The following KLF7 variants were observed in gnomAD, a reference collection of about 807,000 sequenced individuals.
KLF7 encodes KLF transcription factor 7.
Under a neutral mutation model 27.3 loss-of-function variants are expected in KLF7, and 2 were observed. The observed-to-expected ratio is 0.07, with a 90% CI of 0.03 to 0.23. KLF7 has a LOEUF of 0.23. Ranked by LOEUF, KLF7 falls within the 10% of genes least tolerant of loss-of-function variation. The pLI, the probability that KLF7 is intolerant of heterozygous loss-of-function variation, is 1.00. For missense variants in KLF7, 221 were observed against 394.1 expected, an observed-to-expected ratio of 0.56 and a Z score of 3.72; for synonymous variants, 165 against 162.4, an observed-to-expected ratio of 1.02 and a Z score of -0.12.
chr2:207,155,705 A>C (rs1451340429), intron 1 of KLF7, among the ~76,000 whole-genome samples: 2 of 152,216 alleles, frequency 1.3e-5, no homozygotes, highest in African/African-American at 2.4e-5. Context: ...TCTGACCTTA[A>C]GCAGCATCTC....
At chr2:207,145,378 A>G (rs191250809) in intron 1 of KLF7, among the ~76,000 whole-genome samples, 105 of 152,336 alleles carry the variant, frequency 6.9e-4, no homozygotes, top group African/African-American at 2.5e-3. Flanking sequence ...ACATCTATTC[A>G]ACACTGGCAA....
intron 2 of KLF7, among the ~76,000 whole-genome samples, chr2:207,113,607 T>TGGG (rs532527898): frequency 0.012 from 804 of 64,420 alleles, 36 homozygotes; most frequent in South Asian, 0.018. Context: ...GAATGGGGGG[T>TGGG]GGGGGGGGGG....
chr2:207,165,407 C>G (rs895746856), intron 1 of KLF7, 60 bp downstream of exon 1: 5 of 1,611,714 alleles, frequency 3.1e-6, no homozygotes, highest in Non-Finnish European at 4.2e-6. Flanking sequence ...CCCACACCAA[C>G]GCAGCCCCTG....
upstream of KLF7, among the ~76,000 whole-genome samples, chr2:207,169,634 C>G (rs2078772774): frequency 6.6e-6 from 1 of 152,110 alleles, no homozygotes; most frequent in African/African-American, 2.4e-5. Context: ...TTGTGGCAAC[C>G]CTGCTTGGAA....
At position 207,080,852 on chromosome 2, in the gene KLF7, C is replaced by G. The variant is rs74465008; in HGVS notation, c.*361G>C. On this transcript the variant is annotated 3_prime_UTR_variant, in exon 4 of 4. Coordinates refer to ENST00000309446, the MANE Select transcript of KLF7 (RefSeq NM_003709.4). ...CCGTCCACCTGCACAGACGTCACAT[C>G]CATTTTCTTTGATTTCCATTGGCAA... 4.0e-4 allele frequency: 167 copies of G among 415,476 alleles called. 1 individual carries two copies. In the East Asian group the frequency reaches 5.6e-3, roughly 14 times the overall value. 25.7% of individuals were successfully genotyped at this position (415,476 alleles called of 1,614,324 possible). A position where few individuals can be genotyped will look rare whatever the true frequency, so the allele number is the denominator to read the frequency against.
At chr2:207,173,172 A>G in the KLF7 span, among the ~76,000 whole-genome samples, 311 of 152,322 alleles carry the variant, frequency 2.0e-3, no homozygotes, top group Middle Eastern at 6.8e-3. Flanking sequence ...GAGCTGTTTC[A>G]TAATTGAGAA....
intron 2 of KLF7, among the ~76,000 whole-genome samples, chr2:207,110,529 C>G (rs34546415): frequency 0.24 from 36,823 of 152,122 alleles, 5,133 homozygotes; most frequent in Middle Eastern, 0.33. Flanking sequence ...GCACCTCCCT[C>G]CCACGTACCA....
At chr2:207,103,005 C>T (rs1242246504) in intron 2 of KLF7, among the ~76,000 whole-genome samples, 1 of 152,084 alleles carries the variant, frequency 6.6e-6, no homozygotes, top group African/African-American at 2.4e-5. Context: ...CTTAGCTCAC[C>T]GCAACCTCCC....
intron 1 of KLF7, among the ~76,000 whole-genome samples, chr2:207,147,729 G>A (rs1002013558): frequency 1.3e-5 from 2 of 152,110 alleles, no homozygotes; most frequent in Admixed American, 6.5e-5. Context: ...AATAAAATAC[G>A]TCTTAGGATA....
intron 1 of KLF7, among the ~76,000 whole-genome samples, chr2:207,163,784 A>G (rs1304766321): frequency 6.6e-6 from 1 of 152,236 alleles, no homozygotes; most frequent in Non-Finnish European, 1.5e-5. Context: ...TTAATATGCA[A>G]CCGATTCCAT....
chr2:207,166,745 G>C, upstream of KLF7: 1 of 964,622 alleles, frequency 1.0e-6, no homozygotes, highest in Non-Finnish European at 1.2e-6. Context: ...TGCCGGGGAG[G>C]TCCTCACGTA....
chr2:207,116,689 A>G (rs542620132), intron 2 of KLF7, among the ~76,000 whole-genome samples: 1 of 152,302 alleles, frequency 6.6e-6, no homozygotes, highest in African/African-American at 2.4e-5. Context: ...TTTTTCTAAA[A>G]GTTTACACTT....
At chr2:207,116,459 CACT>C (rs1233975603) in intron 2 of KLF7, among the ~76,000 whole-genome samples, 1 of 152,162 alleles carries the variant, frequency 6.6e-6, no homozygotes, top group African/African-American at 2.4e-5. Context: ...CAAACACAAT[CACT>C]ACATTATTAT....
intron 1 of KLF7, 128 bp downstream of exon 1, chr2:207,165,335 AACAG>A: frequency 7.6e-7 from 1 of 1,311,226 alleles, no homozygotes; most frequent in Non-Finnish European, 1.0e-6. Flanking sequence ...CATTTTCAAC[AACAG>A]ACAGCCAAAA....
At chr2:207,141,320 C>A (rs1374750899) in intron 1 of KLF7, among the ~76,000 whole-genome samples, 2 of 152,010 alleles carry the variant, frequency 1.3e-5, no homozygotes, top group Admixed American at 6.6e-5. Context: ...GATACAAGAC[C>A]ACATACTTGT....
intron 1 of KLF7, among the ~76,000 whole-genome samples, chr2:207,162,271 C>T (rs760165522): frequency 2.0e-5 from 3 of 152,162 alleles, no homozygotes; most frequent in Non-Finnish European, 2.9e-5. Context: ...GGTTTCTGTC[C>T]TACCCTTGAC....
At chr2:207,133,107 G>C (rs2077682737) in intron 1 of KLF7, among the ~76,000 whole-genome samples, 2 of 152,088 alleles carry the variant, frequency 1.3e-5, no homozygotes. Context: ...TGCAGAGCTG[G>C]GGCCTAGAAG....
chr2:207,083,718 A>AATCAGCTG (rs2076326034), intron 3 of KLF7, among the ~76,000 whole-genome samples: 1 of 152,236 alleles, frequency 6.6e-6, no homozygotes, highest in Non-Finnish European at 1.5e-5. Context: ...TTAACTTATG[A>AATCAGCTG]ATCAGCTGAC....
chr2:207,142,476 T>C (rs1283454387), intron 1 of KLF7, among the ~76,000 whole-genome samples: 4 of 152,202 alleles, frequency 2.6e-5, no homozygotes, highest in Non-Finnish European at 5.9e-5. Flanking sequence ...AAGGTGCTCA[T>C]GGTATCACAG....
Sources: gnomAD v4.1 joint callset for allele counts (sites outside exome capture counted in the v4.1 genomes callset) on GRCh38, gnomAD v4.1.1 for gene constraint, MANE v1.5 for transcripts, NCBI Gene and HGNC (gene_info 2026-07-23, HGNC 2026-07-21) for gene names.